The following ATM variants were observed in gnomAD, a reference collection of about 807,000 sequenced individuals.
The protein encoded by ATM is serine-protein kinase ATM.
A neutral mutation model predicts 387.0 loss-of-function variants in ATM; 308 were observed. That is an observed-to-expected ratio of 0.80 (90% CI 0.73 to 0.87). The LOEUF (loss-of-function observed/expected upper bound fraction) is 0.87, where lower values mean the gene tolerates loss of function less well. Ranked by LOEUF, ATM falls within the 40% of genes least tolerant of loss-of-function variation. The pLI is 0.00. For synonymous variants in ATM, 1,156 were observed against 1,187.3 expected (o/e 0.97, Z 0.54); for missense variants, 3,312 against 3,560.9 (o/e 0.93, Z 1.78).
intron 37 of ATM, among the ~76,000 whole-genome samples, chr11:108,307,142 CT>C (rs200346063): frequency 5.8e-4 from 83 of 142,362 alleles, no homozygotes; most frequent in East Asian, 2.7e-3. Flanking sequence ...TTTCTTTTTT[CT>C]TTTTTTTTTT....
intron 3 of ATM, among the ~76,000 whole-genome samples, chr11:108,228,817 A>G (rs2078865471): frequency 6.6e-6 from 1 of 152,204 alleles, no homozygotes; most frequent in South Asian, 2.1e-4. Context: ...TTGGCTGGCA[A>G]CATTACCAAC....
chr11:108,366,029 C>CAAAAAA lies in ATM; in HGVS notation c.*535_*540dup, dbSNP rs369583811. ...GGGTGACAAGAGCGAAACTCCATCT[C>CAAAAAA]AAAAAAAAAAAAAAAAAAACAGAAA... On this transcript the variant is annotated 3_prime_UTR_variant, in exon 63 of 63. Coordinates refer to ENST00000675843, the MANE Select transcript of ATM (RefSeq NM_000051.4). 4 of 100,470 alleles carry CAAAAAA rather than the reference C, an allele frequency of 4.0e-5. No homozygotes were observed. The highest frequency in any genetic ancestry group is 1.8e-4 in the East Asian group (1 of 5,550). The allele number at this position is 100,470 out of a possible 1,614,324, so 6.2% of individuals were successfully genotyped here.
chr11:108,258,929 C>T (rs1165330921), intron 15 of ATM, 57 bp from the exon 16 acceptor site: 13 of 1,402,090 alleles, frequency 9.3e-6, no homozygotes, highest in Admixed American at 5.1e-5. Flanking sequence ...CACTGTCTGC[C>T]AAGAATAATT....
intron 45 of ATM, 90 bp downstream of exon 45, chr11:108,321,510 C>CGGTG: frequency 1.3e-6 from 2 of 1,575,610 alleles, no homozygotes; most frequent in Admixed American, 3.4e-5. Flanking sequence ...AGGCCGGGCA[C>CGGTG]GGTGGCTCAT....
At chr11:108,337,970 G>T (rs1032641581) in intron 56 of ATM, among the ~76,000 whole-genome samples, 1 of 152,262 alleles carries the variant, frequency 6.6e-6, no homozygotes, top group Non-Finnish European at 1.5e-5. Flanking sequence ...CTTGAAAGCA[G>T]AAATTACTGA....
chr11:108,237,296 C>G (rs566834970), intron 5 of ATM, among the ~76,000 whole-genome samples: 1 of 152,100 alleles, frequency 6.6e-6, no homozygotes, highest in Non-Finnish European at 1.5e-5. Flanking sequence ...GTTACCTAAC[C>G]AGATCTTTCC....
Position 108,331,901 on chromosome 11 carries a change from A to G in ATM, c.7652A>G (p.Asp2551Gly), listed in dbSNP as rs1565533613. 3 of 1,613,866 alleles carry G rather than the reference A, an allele frequency of 1.9e-6. No homozygotes were observed. Among genetic ancestry groups the G allele is most frequent in the Non-Finnish European group, 2.5e-6 (3 of 1,179,834 alleles). Residue 2551 changes from aspartate to glycine, a missense_variant, in exon 52 of 63, where the codon GAT becomes GGT. Physicochemically the swap from Asp to Gly is moderately conservative, Grantham distance 94. Around this residue, in one of 4 missense-constraint regions of ATM, gnomAD observed 1,405 missense variants for 1,604.4 expected, o/e 0.88. Transcript: ENST00000675843. ...CAGCTAATCTCTAGAATTTCAATGG[A>G]TCACCCCCATCACACTTTGTTTATT... The part of the protein sequence containing the change: ...LNNLISRISM[D>G]HPHHTLFIIL...
At chr11:108,266,243 A>C (rs1189446692) in intron 16 of ATM, among the ~76,000 whole-genome samples, 1 of 151,512 alleles carries the variant, frequency 6.6e-6, no homozygotes, top group East Asian at 1.9e-4. Flanking sequence ...CCAAATGTCC[A>C]ACAATGATAG....
At chr11:108,357,202 G>T (rs982045975) in intron 61 of ATM, among the ~76,000 whole-genome samples, 1 of 152,188 alleles carries the variant, frequency 6.6e-6, no homozygotes, top group Admixed American at 6.5e-5. Flanking sequence ...CTGGAAAATC[G>T]GGTCACTCCC....
At chr11:108,225,722 C>T (rs747745447) in intron 1 of ATM, 1 of 152,214 alleles carries the variant, frequency 6.6e-6, no homozygotes. Context: ...GTGGAACGCC[C>T]ACCTCGGCCT....
At chr11:108,303,557 C>T (rs1345907115) in intron 36 of ATM, among the ~76,000 whole-genome samples, 1 of 152,112 alleles carries the variant, frequency 6.6e-6, no homozygotes, top group Non-Finnish European at 1.5e-5. Context: ...ATTTATAGCA[C>T]TGTCAAATGT....
At chr11:108,354,744 C>T (rs2137337999) in intron 60 of ATM, 67 bp from the exon 61 acceptor site, 2 of 1,318,372 alleles carry the variant, frequency 1.5e-6, no homozygotes, top group Non-Finnish European at 2.2e-6. Context: ...TGAGAGTATA[C>T]AGATAAAGAT....
chr11:108,247,188 G>T, intron 8 of ATM, 61 bp downstream of exon 8: 1 of 1,565,640 alleles, frequency 6.4e-7, no homozygotes, highest in Non-Finnish European at 8.8e-7. Context: ...TTTAAACTGG[G>T]CATTTTGGGC....
rs951881516 is a variant in ATM, at chr11:108,326,094, A to G, written c.6844A>G (p.Asn2282Asp). The change falls in exon 47 of 63, where the codon AAT becomes GAT. Residue 2282 changes from asparagine (N) to aspartate (D), a missense_variant. Transcript: ENST00000675843. ...ERAIFQIKQY[N>D]SVSCGVSEWQ... is the part of the protein sequence containing the mutation. The stretch of plus-strand genomic sequence containing the variant: ...GGCAATATTTCAAATTAAACAGTAC[A>G]ATTCAGTTAGCTGTGGAGTCTCTGA... 3.7e-6 allele frequency: 6 copies of G among 1,614,156 alleles called. No homozygotes were observed. The highest frequency in any genetic ancestry group is 2.2e-5 in the South Asian group (2 of 91,082).
intron 5 of ATM, among the ~76,000 whole-genome samples, chr11:108,241,130 A>G (rs570898176): frequency 1.3e-5 from 2 of 152,326 alleles, no homozygotes; most frequent in African/African-American, 2.4e-5. Context: ...GGTCAGGATC[A>G]TCAGTATCAC....
rs147725892 is a variant in ATM, at chr11:108,301,017, C to T, written c.5178-631C>T. On this transcript the variant is annotated intron_variant, in intron 34 of 62. Transcript: ENST00000675843. The stretch of plus-strand genomic sequence containing the variant: ...GCTCAAGCAGTCCTCCTGCCTCAGC[C>T]TCCTAATGTGCAAAGTTTATGTGCT... 3.1e-3 allele frequency among the ~76,000 whole-genome samples: 474 copies of T among 152,048 alleles called. 1 individual carries two copies. The highest frequency in any genetic ancestry group is 0.011 in the African/African-American group (457 of 41,492).
intron 30 of ATM, 24 bp from the exon 31 acceptor site, chr11:108,293,289 T>G: frequency 1.5e-6 from 2 of 1,361,062 alleles, no homozygotes; most frequent in East Asian, 5.0e-5. Flanking sequence ...TCCTTATAAT[T>G]TTTTCTTTTT....
chr11:108,249,231 T>C (rs1428298805), intron 9 of ATM, 129 bp downstream of exon 9: 16 of 1,053,112 alleles, frequency 1.5e-5, no homozygotes, highest in Non-Finnish European at 2.3e-5. Context: ...AACCTATTAC[T>C]AGCAAAGGGA....
At chr11:108,251,727 G>C in intron 10 of ATM, 110 bp from the exon 11 acceptor site, 1 of 1,056,742 alleles carries the variant, frequency 9.5e-7, no homozygotes, top group Admixed American at 1.9e-5. Context: ...CAGTTTTTAT[G>C]TTCATTTAGT....
Sources: gnomAD v4.1 joint callset for allele counts (sites outside exome capture counted in the v4.1 genomes callset) on GRCh38, gnomAD v4.1.1 for gene constraint, gnomAD v4.1.1 regional missense constraint, MANE v1.5 for transcripts, NCBI Gene and HGNC (gene_info 2026-07-23, HGNC 2026-07-21) for gene names.